PRKAR2B: variants seen among roughly 807,000 people sequenced by gnomAD.
The protein encoded by PRKAR2B is protein kinase cAMP-dependent type II regulatory subunit beta, also known as cAMP-dependent protein kinase type II-beta regulatory subunit.
Under a neutral mutation model 49.9 loss-of-function variants are expected in PRKAR2B, and 14 were observed. That is an observed-to-expected ratio of 0.28 (90% CI 0.19 to 0.44). The LOEUF (loss-of-function observed/expected upper bound fraction) is 0.44, where lower values mean the gene tolerates loss of function less well. Among genes scored for constraint, PRKAR2B ranks in the 20% least tolerant of loss-of-function variants. The pLI is 1.00. For synonymous variants in PRKAR2B, 196 were observed against 197.7 expected, an observed-to-expected ratio of 0.99 and a Z score of 0.07; for missense variants, 393 against 537.9, an observed-to-expected ratio of 0.73 and a Z score of 2.67.
rs913488870 is a variant in PRKAR2B, at chr7:107,065,720, C to T, written c.308-4561C>T. Among the ~76,000 whole-genome samples, 6 of 152,294 alleles carry T rather than the reference C, an allele frequency of 3.9e-5. No individual in the cohort carries two copies. In the East Asian group the frequency reaches 1.2e-3, roughly 29 times the overall value. On this transcript the variant is annotated intron_variant, in intron 1 of 10. Transcript: ENST00000265717. ...GGGGAGAGGGAGACTTGCTCTGTTT[C>T]CTTGCAGAGTTTATTGATGCATTCT...
intron 6 of PRKAR2B, 29 bp from the exon 7 acceptor site, chr7:107,150,893 A>C (rs570172548): frequency 2.4e-6 from 3 of 1,256,962 alleles, no homozygotes; most frequent in East Asian, 2.4e-5. Context: ...ACCCCCATAA[A>C]ATTTACCCTT....
At chr7:107,098,428 T>C (rs1794890976) in intron 2 of PRKAR2B, among the ~76,000 whole-genome samples, 1 of 152,154 alleles carries the variant, frequency 6.6e-6, no homozygotes, top group African/African-American at 2.4e-5. Context: ...TTTTGAAGGT[T>C]TTTAGCTTCT....
chr7:107,129,309 G>A (rs1207773787), intron 4 of PRKAR2B, among the ~76,000 whole-genome samples: 1 of 152,068 alleles, frequency 6.6e-6, no homozygotes, highest in Non-Finnish European at 1.5e-5. Context: ...TTTATGTTAG[G>A]CCCACACATT....
intron 1 of PRKAR2B, among the ~76,000 whole-genome samples, chr7:107,060,800 T>G (rs1041602075): frequency 6.6e-6 from 1 of 152,210 alleles, no homozygotes; most frequent in Admixed American, 6.5e-5. Context: ...TCCTTTTGCT[T>G]GTGATTTTTT....
intron 4 of PRKAR2B, among the ~76,000 whole-genome samples, chr7:107,132,432 G>C (rs1367121153): frequency 6.6e-6 from 1 of 152,156 alleles, no homozygotes; most frequent in African/African-American, 2.4e-5. Flanking sequence ...CGAAGATGGA[G>C]TTAAAGAGGG....
At chr7:107,091,640 A>G (rs892066922) in intron 2 of PRKAR2B, 8 of 152,200 alleles carry the variant, frequency 5.3e-5, no homozygotes, top group Non-Finnish European at 1.2e-4. Context: ...CATTTTGCAT[A>G]TAACATGGCG....
intron 1 of PRKAR2B, 125 bp downstream of exon 1, chr7:107,045,339 A>G (rs1793668925): frequency 7.5e-6 from 6 of 798,826 alleles, no homozygotes; most frequent in Non-Finnish European, 1.1e-5. Flanking sequence ...ACCTTTCCCT[A>G]CCTTCCCATC....
At chr7:107,058,887 C>T (rs945299650) in intron 1 of PRKAR2B, among the ~76,000 whole-genome samples, 6 of 152,204 alleles carry the variant, frequency 3.9e-5, no homozygotes, top group African/African-American at 9.6e-5. Context: ...CTTGTTGTGA[C>T]GTATTTTCAA....
chr7:107,072,062 G>A (rs543238088), intron 2 of PRKAR2B, among the ~76,000 whole-genome samples: 13 of 137,098 alleles, frequency 9.5e-5, no homozygotes, highest in Admixed American at 8.7e-4. Context: ...GGGTGAGACC[G>A]CATCTCAAAA....
rs1392869712 is a variant in PRKAR2B at position 107,157,236 on chromosome 7, G to A, written c.1035G>A (p.Ser345=). The change falls in exon 10 of 11, where the codon TCG becomes TCA. Residue 345 remains serine (S), a synonymous_variant. Coordinates refer to ENST00000265717, the MANE Select transcript of PRKAR2B (RefSeq NM_002736.3). ...GTGCAGTAGAAATCGCTCGATGCTC[G>A]CGGGGACAGTACTTTGGAGAGCTTG... ...ENGAVEIARC[S]RGQYFGELAL... The A allele has an allele frequency of 1.2e-5, 20 of 1,614,214 alleles. No homozygotes were observed. Among genetic ancestry groups the A allele is most frequent in the South Asian group, 6.6e-5 (6 of 91,086 alleles).
At chr7:107,123,632 A>G (rs145817757) in intron 3 of PRKAR2B, among the ~76,000 whole-genome samples, 1 of 152,236 alleles carries the variant, frequency 6.6e-6, no homozygotes, top group East Asian at 1.9e-4. Context: ...TCAAAATTCC[A>G]ATTTCCAAAG....
chr7:107,095,582 G>A (rs1794822615), intron 2 of PRKAR2B, among the ~76,000 whole-genome samples: 1 of 152,138 alleles, frequency 6.6e-6, no homozygotes, highest in Non-Finnish European at 1.5e-5. Flanking sequence ...TCTTGTGCCA[G>A]TTTTCAAAGG....
chr7:107,129,401 A>G (rs980608194), intron 4 of PRKAR2B, among the ~76,000 whole-genome samples: 1 of 152,124 alleles, frequency 6.6e-6, no homozygotes, highest in Non-Finnish European at 1.5e-5. Context: ...TCCATCAGTC[A>G]CTTCATCTGT....
intron 1 of PRKAR2B, chr7:107,066,483 G>C (rs1794148247): frequency 6.6e-6 from 1 of 152,120 alleles, no homozygotes; most frequent in Non-Finnish European, 1.5e-5. Context: ...TATTTAAAAA[G>C]TGGTAATATT....
chr7:107,144,714 T>G (rs548293305), intron 5 of PRKAR2B, among the ~76,000 whole-genome samples: 1 of 149,164 alleles, frequency 6.7e-6, no homozygotes, highest in South Asian at 2.1e-4. Flanking sequence ...CACCTTGGCC[T>G]CCCAAAACAT....
chr7:107,117,608 A>G (rs1291357855), intron 2 of PRKAR2B, among the ~76,000 whole-genome samples: 5 of 152,220 alleles, frequency 3.3e-5, no homozygotes, highest in Non-Finnish European at 7.3e-5. Context: ...CAGGATGCGA[A>G]TATGGGTCAT....
At chr7:107,147,933 A>T (rs781481294) in intron 6 of PRKAR2B, among the ~76,000 whole-genome samples, 1 of 152,356 alleles carries the variant, frequency 6.6e-6, no homozygotes, top group Non-Finnish European at 1.5e-5. Context: ...TCTGAAGTCA[A>T]TTCAGCTGAT....
intron 2 of PRKAR2B, among the ~76,000 whole-genome samples, chr7:107,083,516 C>G (rs1335269528): frequency 1.3e-5 from 2 of 152,068 alleles, no homozygotes; most frequent in African/African-American, 2.4e-5. Flanking sequence ...TTCTTATTAT[C>G]TCCATTTTAC....
intron 4 of PRKAR2B, chr7:107,133,507 T>C (rs1315406526): frequency 1.3e-5 from 2 of 152,214 alleles, no homozygotes; most frequent in African/African-American, 2.4e-5. Flanking sequence ...TTTTGATTGG[T>C]GACCATATGT....
Sources: gnomAD v4.1 joint callset for allele counts (sites outside exome capture counted in the v4.1 genomes callset) on GRCh38, gnomAD v4.1.1 for gene constraint, MANE v1.5 for transcripts, NCBI Gene and HGNC (gene_info 2026-07-23, HGNC 2026-07-21) for gene names.